Variants in ZNF483 observed in about 807,000 individuals in gnomAD.
ZNF483 encodes the protein zinc finger protein HIT-10.
A neutral mutation model predicts 28.6 loss-of-function variants in ZNF483; 9 were observed. The ratio of observed to expected loss-of-function variants is 0.32; its 90% confidence interval spans 0.19 to 0.55. The LOEUF is 0.55. Among genes scored for constraint, ZNF483 ranks in the 20% least tolerant of loss-of-function variants. ZNF483 has a pLI of 0.93. For missense variants in ZNF483, 675 were observed against 871.7 expected (o/e 0.77, Z 2.84); for synonymous variants, 322 against 306.2 (o/e 1.05, Z -0.54).
At chr9:111,560,724 A>T (rs1414244525) in intron 5 of ZNF483, among the ~76,000 whole-genome samples, 1 of 148,630 alleles carries the variant, frequency 6.7e-6, no homozygotes, top group Non-Finnish European at 1.5e-5. Flanking sequence ...TGGCCGGATC[A>T]CAAGGTCAGG....
intron 5 of ZNF483, chr9:111,564,053 A>G (rs1828436407): frequency 5.7e-6 from 1 of 174,810 alleles, no homozygotes. Flanking sequence ...GTTAGTGAGA[A>G]AGGGTCTTCA....
intron 5 of ZNF483, chr9:111,539,343 G>C: frequency 2.4e-6 from 1 of 416,074 alleles, no homozygotes; most frequent in Non-Finnish European, 4.8e-6. Flanking sequence ...TATTTGACCA[G>C]AGATAGTACT....
intron 5 of ZNF483, among the ~76,000 whole-genome samples, chr9:111,567,471 C>G (rs1828615408): frequency 6.6e-6 from 1 of 152,166 alleles, no homozygotes; most frequent in South Asian, 2.1e-4. Flanking sequence ...AAGTGTGAAC[C>G]ACCGTGCCAG....
rs1828071138 is a variant in ZNF483, at chr9:111,554,736, A to C, written c.*11566A>C. The stretch of plus-strand genomic sequence containing the variant: ...ACATACTGGAATTTTTTATTTCTGG[A>C]ATTTTCTATTTAAAATTTTGGGGCC... On this transcript the variant is annotated 3_prime_UTR_variant, in exon 6 of 6. Coordinates refer to ENST00000309235, the MANE Select transcript of ZNF483 (RefSeq NM_133464.5). Among the ~76,000 whole-genome samples, 1 of 152,134 alleles carries C rather than the reference A, an allele frequency of 6.6e-6. No individual in the cohort carries two copies. The highest frequency in any genetic ancestry group is 1.5e-5 in the Non-Finnish European group (1 of 68,016).
chr9:111,542,557 A>G lies in ZNF483; in HGVS notation c.1622A>G (p.His541Arg). Residue 541 changes from histidine (H) to arginine (R), a missense_variant, in exon 6 of 6, where the codon CAT becomes CGT. Physicochemically the swap from His to Arg is conservative, Grantham distance 29 (BLOSUM62 0). This residue lies in a region of ZNF483 where 41 missense variants were observed against 69.0 expected (regional missense o/e 0.59). Coordinates refer to ENST00000309235, the MANE Select transcript of ZNF483 (RefSeq NM_133464.5). This position sits in a 1 kb window ranked among gnomAD's most constrained non-coding sequence, Gnocchi z 6.2. ...PFSDSSSLIQ[H>R]QRIHTGEKPY... Reference sequence around the variant, plus strand: ...AGTGACAGTTCATCTCTTATTCAACATCAGCGAATTCATACTGGAGAAAAA... The same window carrying G: ...AGTGACAGTTCATCTCTTATTCAACGTCAGCGAATTCATACTGGAGAAAAA... 1 of 1,614,152 alleles carries G rather than the reference A, an allele frequency of 6.2e-7. No homozygotes were observed. Among genetic ancestry groups the G allele is most frequent in the Non-Finnish European group, 8.5e-7 (1 of 1,180,028 alleles).
Position 111,547,844 on chromosome 9 carries a change from G to A in ZNF483, c.*4674G>A, listed in dbSNP as rs1005375119. Among the ~76,000 whole-genome samples, 2 of 151,960 alleles carry A rather than the reference G, an allele frequency of 1.3e-5. No individual in the cohort carries two copies. The highest frequency in any genetic ancestry group is 1.3e-4 in the Admixed American group (2 of 15,246). On this transcript the variant is annotated 3_prime_UTR_variant, in exon 6 of 6. Transcript: ENST00000309235. ...GGTCCATCTTCATTCTTTTGCATGC[G>A]AATATCCAGTTTTCCCAGCCCCATC...
intron 5 of ZNF483, among the ~76,000 whole-genome samples, chr9:111,570,485 T>C (rs7020283): frequency 0.46 from 69,384 of 151,902 alleles, 18,806 homozygotes; most frequent in African/African-American, 0.75. Flanking sequence ...GATTAAGAAG[T>C]TTGGGGGTGG....
downstream of ZNF483, among the ~76,000 whole-genome samples, chr9:111,558,824 A>C (rs1828195599): frequency 6.6e-6 from 1 of 152,184 alleles, no homozygotes. Context: ...TTCCAATCTA[A>C]CACCACAAGG....
intron 5 of ZNF483, among the ~76,000 whole-genome samples, chr9:111,534,712 TTCTA>T (rs1164255287): frequency 7.0e-6 from 1 of 143,626 alleles, no homozygotes; most frequent in Non-Finnish European, 1.5e-5. Flanking sequence ...TAAAGTGTCG[TTCTA>T]TCTTTTTTTT....
At chr9:111,528,930 G>A (rs1181185723) in intron 2 of ZNF483, among the ~76,000 whole-genome samples, 3 of 152,080 alleles carry the variant, frequency 2.0e-5, no homozygotes, top group Non-Finnish European at 4.4e-5. Flanking sequence ...TGGATCACCC[G>A]AGGTCAGGAG....
rs1829056260 is a variant in ZNF483 at position 111,576,380 on chromosome 9, T to TA, written c.743dup (p.Met249AspfsTer6). ...TCACTTGCAGACATACATGGAGCAG[T>TA]AAAAAAGATGCAGATGTTCTCTGAG... On this transcript the variant is annotated frameshift_variant, in exon 6 of 6. Transcript: ENST00000358151. LOFTEE classifies it high-confidence loss of function. 1.9e-6 allele frequency: 3 copies of TA among 1,614,116 alleles called. No homozygotes were observed. Among genetic ancestry groups the TA allele is most frequent in the Non-Finnish European group, 2.5e-6 (3 of 1,180,010 alleles).
chr9:111,531,050 T>A, intron 3 of ZNF483, 87 bp downstream of exon 3: 1 of 547,998 alleles, frequency 1.8e-6, no homozygotes, highest in Non-Finnish European at 2.9e-6. Context: ...AATAAAAGGC[T>A]AGGCACGGTG....
chr9:111,557,707 G>A (rs1468851770), downstream of ZNF483, among the ~76,000 whole-genome samples: 1 of 152,132 alleles, frequency 6.6e-6, no homozygotes, highest in African/African-American at 2.4e-5. Context: ...TGGAAATACA[G>A]GTGTGAGACA....
In ZNF483 at chr9:111,555,286, A is replaced by G. The variant is rs540595737; in HGVS notation, c.*12116A>G. The stretch of plus-strand genomic sequence containing the variant: ...TGATAATCACCTGGCAAAATAAGGT[A>G]GGAGTGGCATTTTGAGCTCAAACTG... On this transcript the variant is annotated 3_prime_UTR_variant, in exon 6 of 6. Coordinates refer to ENST00000309235, the MANE Select transcript of ZNF483 (RefSeq NM_133464.5). 2.6e-5 allele frequency among the ~76,000 whole-genome samples: 4 copies of G among 152,298 alleles called. No individual in the cohort carries two copies. The South Asian group carries it at 8.3e-4, about 32-fold the overall frequency.
rs773341853 is a variant in ZNF483, at chr9:111,545,133, A to G, written c.*1963A>G. The stretch of plus-strand genomic sequence containing the variant: ...ATTGCCGTGTGATAAATTGGTCCGC[A>G]TAGTTATTGCTAAGCAGACCAACGA... On this transcript the variant is annotated 3_prime_UTR_variant, in exon 6 of 6. Transcript: ENST00000309235. 4.6e-5 allele frequency among the ~76,000 whole-genome samples: 7 copies of G among 152,204 alleles called. No homozygotes were observed. The highest frequency in any genetic ancestry group is 2.1e-4 in the South Asian group (1 of 4,828).
rs573620427 is a variant in ZNF483, at chr9:111,548,762, T to G, written c.*5592T>G. ...TTATGTTAAGGTAATTTCCTTTTAT[T>G]GATAAATTCTTGTTTGAAGGACAGT... On this transcript the variant is annotated 3_prime_UTR_variant, in exon 6 of 6. Transcript: ENST00000309235. 5.9e-5 allele frequency among the ~76,000 whole-genome samples: 9 copies of G among 152,330 alleles called. No individual in the cohort carries two copies. The highest frequency in any genetic ancestry group is 2.2e-4 in the African/African-American group (9 of 41,584).
intron 3 of ZNF483, among the ~76,000 whole-genome samples, chr9:111,531,703 G>T (rs988792988): frequency 9.2e-5 from 14 of 152,108 alleles, no homozygotes; most frequent in Non-Finnish European, 1.8e-4. Flanking sequence ...AAGAGATGGG[G>T]TCTTGTTCTG....
intron 2 of ZNF483, among the ~76,000 whole-genome samples, chr9:111,528,528 G>A (rs1037282139): frequency 1.3e-5 from 2 of 151,878 alleles, no homozygotes; most frequent in African/African-American, 2.4e-5. Context: ...AATGTGGCTC[G>A]CCTTTTTTCT....
chr9:111,569,776 G>A, intron 5 of ZNF483: 1 of 346,606 alleles, frequency 2.9e-6, no homozygotes, highest in South Asian at 2.5e-5. Flanking sequence ...CCTCATATGT[G>A]GGTTTAAGGA....
Sources: allele counts gnomAD v4.1 joint callset (sites outside exome capture counted in the v4.1 genomes callset), GRCh38; gene constraint gnomAD v4.1.1; regional missense constraint gnomAD v4.1.1; non-coding constraint Gnocchi (gnomAD v3.1); transcripts MANE v1.5; gene names NCBI Gene and HGNC (gene_info 2026-07-23, HGNC 2026-07-21).